PAXIP1: variants seen among roughly 807,000 people sequenced by gnomAD.
The protein encoded by PAXIP1 is PAX interacting protein 1.
In PAXIP1, 19 loss-of-function variants were observed where a neutral mutation model predicts 140.6. That is an observed-to-expected ratio of 0.14 (90% CI 0.09 to 0.20). The LOEUF (loss-of-function observed/expected upper bound fraction) is 0.20, where lower values mean the gene tolerates loss of function less well. Ranked by LOEUF, PAXIP1 falls within the 10% of genes least tolerant of loss-of-function variation. The pLI is 1.00. For synonymous variants in PAXIP1, 442 were observed against 444.6 expected (o/e 0.99, Z 0.07); for missense variants, 920 against 1,208.6 (o/e 0.76, Z 3.54).
rs1003559836 is a variant in PAXIP1 at position 154,946,917 on chromosome 7, A to C, written c.2923-104T>G. 2 of 844,040 alleles carry C rather than the reference A, an allele frequency of 2.4e-6. No homozygotes were observed. Among genetic ancestry groups the C allele is most frequent in the African/African-American group, 3.4e-5 (2 of 58,526 alleles). The allele number at this position is 844,040 out of a possible 1,614,324, so 52.3% of individuals were successfully genotyped here. A position where few individuals can be genotyped will look rare whatever the true frequency, so the allele number is the denominator to read the frequency against. ...CCCTGAGATTTTTGACAAAATTTCAAATTTTATGACATTATGAAGGTACTA... is the reference window on the plus strand; with the variant it reads ...CCCTGAGATTTTTGACAAAATTTCACATTTTATGACATTATGAAGGTACTA... On this transcript the variant is annotated intron_variant, in intron 17 of 20. Transcript: ENST00000404141. The surrounding 1 kb of genome is among the most constrained non-coding windows in gnomAD (Gnocchi z 4.9).
Position 154,998,757 on chromosome 7 carries a change from C to A in PAXIP1, c.109G>T (p.Ala37Ser). The change falls in exon 2 of 21, where the codon GCG becomes TCG. Residue 37 changes from alanine to serine, a missense_variant. By Grantham distance (99) the Ala-to-Ser change is moderately conservative. Transcript: ENST00000404141. ...QVIQLLKAGKAKEVSYNALAS... is the reference protein window; with the variant it reads ...QVIQLLKAGKSKEVSYNALAS... ...AGTGCATTGTAGGAAACTTCCTTCGCTTTTCCAGCCTTGAGAAGCTGAATA... is the reference window on the plus strand; with the variant it reads ...AGTGCATTGTAGGAAACTTCCTTCGATTTTCCAGCCTTGAGAAGCTGAATA... 6.2e-7 allele frequency: 1 copy of A among 1,612,620 alleles called. No individual in the cohort carries two copies. The highest frequency in any genetic ancestry group is 8.5e-7 in the Non-Finnish European group (1 of 1,179,178).
chr7:154,955,166 T>C (rs1198471529), intron 15 of PAXIP1, among the ~76,000 whole-genome samples: 3 of 152,184 alleles, frequency 2.0e-5, no homozygotes, highest in Non-Finnish European at 4.4e-5. Context: ...AAAACTAATC[T>C]TGGATAGACT....
At position 155,002,972 on chromosome 7, in the gene PAXIP1, GCCCACCC is replaced by G; in HGVS notation, c.-50_-44del. The G allele has an allele frequency of 1.4e-6, 1 of 694,268 alleles. No individual in the cohort carries two copies. The highest frequency in any genetic ancestry group is 1.7e-6 in the Non-Finnish European group (1 of 602,404). The allele number at this position is 694,268 out of a possible 1,614,324, so 43.0% of individuals were successfully genotyped here. On this transcript the variant is annotated 5_prime_UTR_variant, in exon 1 of 21. Coordinates refer to ENST00000404141, the MANE Select transcript of PAXIP1 (RefSeq NM_007349.4). The stretch of plus-strand genomic sequence containing the variant: ...AGGCTCCGCGGCGGCGCCCGGCCCC[GCCCACCC>G]CCCGCCCCCGGCCCCCGCGGCGCCC...
chr7:154,949,689 C>T (rs1307837683), intron 16 of PAXIP1: 2 of 152,160 alleles, frequency 1.3e-5, no homozygotes, highest in Non-Finnish European at 2.9e-5. Flanking sequence ...CTCTTGAGGT[C>T]AGGAGTTCAA....
In PAXIP1 at chr7:154,955,339, A is replaced by G. The variant is rs79612595; in HGVS notation, c.2652+190T>C. ...ATCTAAGTATGAAATAATAGCACAGAACAGGGCAGGAAGCCACTAAATATT... is the reference window on the plus strand; with the variant it reads ...ATCTAAGTATGAAATAATAGCACAGGACAGGGCAGGAAGCCACTAAATATT... On this transcript the variant is annotated intron_variant, in intron 15 of 20. Transcript: ENST00000404141. Among the ~76,000 whole-genome samples the G allele has an allele frequency of 3.4e-3, 517 of 152,370 alleles. 3 individuals are homozygous for G. Among genetic ancestry groups the G allele is most frequent in the African/African-American group, 0.012 (502 of 41,582 alleles).
chr7:154,989,636 T>C (rs1810232971), intron 4 of PAXIP1, among the ~76,000 whole-genome samples: 1 of 152,238 alleles, frequency 6.6e-6, no homozygotes, highest in Non-Finnish European at 1.5e-5. Flanking sequence ...TAATAGTTTT[T>C]ATTATGATTT....
intron 1 of PAXIP1, chr7:155,001,854 C>A (rs1040757254): frequency 7.9e-5 from 12 of 152,350 alleles, no homozygotes; most frequent in Admixed American, 3.3e-4. Context: ...CAAGGACGAA[C>A]CTCAAGAAGG....
chr7:154,976,541 A>G (rs998426014), intron 5 of PAXIP1, among the ~76,000 whole-genome samples: 1 of 152,254 alleles, frequency 6.6e-6, no homozygotes, highest in Non-Finnish European at 1.5e-5. Context: ...TGATCATAGG[A>G]AGGTCTCACA....
chr7:154,947,437 C>T (rs1434302825), intron 17 of PAXIP1: 2 of 157,188 alleles, frequency 1.3e-5, no homozygotes, highest in South Asian at 1.9e-4. Flanking sequence ...GCTGTTCTAA[C>T]ACTTATCTAA....
At chr7:154,981,352 C>G (rs1331696153) in intron 5 of PAXIP1, among the ~76,000 whole-genome samples, 2 of 152,094 alleles carry the variant, frequency 1.3e-5, no homozygotes, top group African/African-American at 4.8e-5. Context: ...TTTACCATTG[C>G]AGAAGAAACA....
chr7:154,993,594 G>A, intron 3 of PAXIP1, 132 bp downstream of exon 3: 1 of 698,508 alleles, frequency 1.4e-6, no homozygotes, highest in Non-Finnish European at 2.4e-6. Context: ...GAAAATAGTA[G>A]GAATATAAGA....
At chr7:154,987,799 C>T (rs2150778383) in intron 4 of PAXIP1, among the ~76,000 whole-genome samples, 1 of 152,306 alleles carries the variant, frequency 6.6e-6, no homozygotes, top group East Asian at 1.9e-4. Context: ...TGCACCACAG[C>T]ATCCCATGTC....
Position 154,946,099 on chromosome 7 carries a change from C to G in PAXIP1, c.3194+266G>C. The G allele has an allele frequency of 1.0e-6, 1 of 974,214 alleles. No homozygotes were observed. The highest frequency in any genetic ancestry group is 1.2e-6 in the Non-Finnish European group (1 of 819,730). 60.3% of individuals were successfully genotyped at this position (974,214 alleles called of 1,614,324 possible). On this transcript the variant is annotated intron_variant, in intron 20 of 20. Coordinates refer to ENST00000404141, the MANE Select transcript of PAXIP1 (RefSeq NM_007349.4). This position sits in a 1 kb window ranked among gnomAD's most constrained non-coding sequence, Gnocchi z 4.9. ...TTCTATTTTATCTAATTGTCAAATTCTTTAATACCTCCATAAACTAGACAG... is the reference window on the plus strand; with the variant it reads ...TTCTATTTTATCTAATTGTCAAATTGTTTAATACCTCCATAAACTAGACAG...
chr7:154,992,833 C>G (rs1417217087), intron 3 of PAXIP1, among the ~76,000 whole-genome samples: 1 of 152,188 alleles, frequency 6.6e-6, no homozygotes, highest in African/African-American at 2.4e-5. Flanking sequence ...CCAAGAAGAA[C>G]TGCTTGTAGA....
intron 4 of PAXIP1, among the ~76,000 whole-genome samples, chr7:154,990,618 T>A (rs1267610360): frequency 6.6e-6 from 1 of 152,252 alleles, no homozygotes; most frequent in African/African-American, 2.4e-5. Context: ...TCTTTATAGA[T>A]TCTAAATTTG....
At chr7:154,948,955 TTAA>T (rs753003907) in intron 16 of PAXIP1, 12 of 152,250 alleles carry the variant, frequency 7.9e-5, no homozygotes, top group Middle Eastern at 3.4e-3. Flanking sequence ...CTGACAATTA[TTAA>T]TAATTGACAG....
At position 154,983,273 on chromosome 7, in the gene PAXIP1, G is replaced by A. The variant is rs2150773980; in HGVS notation, c.384C>T (p.Cys128=). 2 of 1,612,570 alleles carry A rather than the reference G, an allele frequency of 1.2e-6. No individual in the cohort carries two copies. The highest frequency in any genetic ancestry group is 1.1e-5 in the South Asian group (1 of 90,826). Reference sequence around the variant, plus strand: ...TGCATTTCTTATTGAGGGTTAGCTGGCAATCTCCCCCATAGAACGTAACCA... The same window carrying A: ...TGCATTTCTTATTGAGGGTTAGCTGACAATCTCCCCCATAGAACGTAACCA... ...WALVTFYGGD[C]QLTLNKKCTH... The change falls in exon 5 of 21, where the codon TGC becomes TGT. Residue 128 remains cysteine, a synonymous_variant. Transcript: ENST00000404141.
chr7:154,967,802 A>G lies in PAXIP1; in HGVS notation c.1893+14T>C. On this transcript the variant is annotated intron_variant, in intron 8 of 20. Transcript: ENST00000404141. ...CTTCAGACACAGTCATCCTTCCTCC[A>G]GGCACAATCTCACCCTTTTCCAGGT... The G allele has an allele frequency of 1.3e-6, 2 of 1,585,040 alleles. No individual in the cohort carries two copies. Among genetic ancestry groups the G allele is most frequent in the Non-Finnish European group, 1.7e-6 (2 of 1,153,882 alleles).
chr7:154,946,491 C>G lies in PAXIP1; in HGVS notation c.3133+21G>C, dbSNP rs200574109. The G allele has an allele frequency of 2.5e-6, 4 of 1,612,642 alleles. No individual in the cohort carries two copies. The highest frequency in any genetic ancestry group is 2.7e-5 in the African/African-American group (2 of 75,018). ...TGCTGTGCGTGCACACATACTCACA[C>G]AGGTAAGCGGGGAAACGTACCTATG... On this transcript the variant is annotated intron_variant, in intron 19 of 20. Transcript: ENST00000404141. This position sits in a 1 kb window ranked among gnomAD's most constrained non-coding sequence, Gnocchi z 4.9.
Sources: gnomAD v4.1 joint callset for allele counts (sites outside exome capture counted in the v4.1 genomes callset) on GRCh38, gnomAD v4.1.1 for gene constraint, Gnocchi (gnomAD v3.1) non-coding constraint, MANE v1.5 for transcripts, NCBI Gene and HGNC (gene_info 2026-07-23, HGNC 2026-07-21) for gene names.